SLCO6A1: variants seen among roughly 807,000 people sequenced by gnomAD.
The protein encoded by SLCO6A1 is cancer/testis antigen 48.
A neutral mutation model predicts 72.7 loss-of-function variants in SLCO6A1; 65 were observed. That is an observed-to-expected ratio of 0.89 (90% CI 0.73 to 1.10). The LOEUF is 1.10. Among genes scored for constraint, SLCO6A1 ranks in the 50% least tolerant of loss-of-function variants. The pLI is 0.00. For synonymous variants in SLCO6A1, 314 were observed against 298.2 expected, an observed-to-expected ratio of 1.05 and a Z score of -0.55; for missense variants, 874 against 872.6, an observed-to-expected ratio of 1.00 and a Z score of -0.02.
In SLCO6A1 at chr5:102,411,970, T is replaced by C. The variant is rs564227447; in HGVS notation, c.1626+1020A>G. Among the ~76,000 whole-genome samples, 24 of 152,322 alleles carry C rather than the reference T, an allele frequency of 1.6e-4. 2 individuals are homozygous for C. Among genetic ancestry groups the C allele is most frequent in the African/African-American group, 5.5e-4 (23 of 41,584 alleles). ...GTCTGAATAGGAAATATTTGTCATC[T>C]GTTGTCTCTTAGGGTAGCCACTATG... On this transcript the variant is annotated intron_variant, in intron 9 of 13. Transcript: ENST00000506729.
intron 9 of SLCO6A1, among the ~76,000 whole-genome samples, chr5:102,404,396 G>A (rs1747558022): frequency 6.6e-6 from 1 of 152,182 alleles, no homozygotes; most frequent in Non-Finnish European, 1.5e-5. Context: ...TTGGGAGGCT[G>A]AGGCAGGAGA....
Position 102,477,779 on chromosome 5 carries a change from G to C in SLCO6A1, c.699C>G (p.Ile233Met). 1 of 1,613,690 alleles carries C rather than the reference G, an allele frequency of 6.2e-7. No homozygotes were observed. Among genetic ancestry groups the C allele is most frequent in the Non-Finnish European group, 8.5e-7 (1 of 1,179,782 alleles). The change falls in exon 3 of 14, where the codon ATC (isoleucine) becomes ATG (methionine). Residue 233 changes from isoleucine to methionine, a missense_variant. By Grantham distance (10) the Ile-to-Met change is conservative (BLOSUM62 1). Coordinates refer to ENST00000506729, the MANE Select transcript of SLCO6A1 (RefSeq NM_173488.5). ...SFQSKYLSFF[I>M]LGQTVQGIAG... is the part of the protein sequence containing the mutation. ...CTATTCCCTGCACAGTCTGCCCAAGGATGAAGAAAGACAGGTATTTTGATT... is the reference window on the plus strand; with the variant it reads ...CTATTCCCTGCACAGTCTGCCCAAGCATGAAGAAAGACAGGTATTTTGATT...
intron 1 of SLCO6A1, among the ~76,000 whole-genome samples, chr5:102,496,706 G>A (rs991309351): frequency 1.3e-5 from 2 of 151,996 alleles, no homozygotes; most frequent in Non-Finnish European, 2.9e-5. Flanking sequence ...TTCATGCATC[G>A]AATACATATT....
intron 1 of SLCO6A1, among the ~76,000 whole-genome samples, chr5:102,487,116 T>C (rs1752478186): frequency 1.3e-5 from 2 of 152,312 alleles, no homozygotes; most frequent in South Asian, 4.1e-4. Flanking sequence ...AAAATTAAAC[T>C]AGAACAGTTA....
intron 4 of SLCO6A1, among the ~76,000 whole-genome samples, chr5:102,472,746 G>T (rs1751692708): frequency 6.6e-6 from 1 of 151,634 alleles, no homozygotes; most frequent in African/African-American, 2.4e-5. Context: ...GAGAAATTAA[G>T]AAAAAAGAGA....
chr5:102,445,604 T>G (rs746823687), intron 6 of SLCO6A1, among the ~76,000 whole-genome samples: 2 of 152,200 alleles, frequency 1.3e-5, no homozygotes, highest in Non-Finnish European at 1.5e-5. Context: ...AATTTTTGTT[T>G]TTGTCATGAT....
intron 7 of SLCO6A1, among the ~76,000 whole-genome samples, chr5:102,438,207 ATAGATC>A (rs1330473937): frequency 6.6e-6 from 1 of 152,124 alleles, no homozygotes; most frequent in Admixed American, 6.6e-5. Flanking sequence ...TTAAATAGAT[ATAGATC>A]AACACAAATC....
At chr5:102,469,306 C>T (rs1751478710) in intron 4 of SLCO6A1, among the ~76,000 whole-genome samples, 1 of 152,052 alleles carries the variant, frequency 6.6e-6, no homozygotes, top group Non-Finnish European at 1.5e-5. Flanking sequence ...ATGGAATATT[C>T]TTCCATTTGT....
chr5:102,443,522 C>G (rs1383437517), intron 6 of SLCO6A1, among the ~76,000 whole-genome samples: 1 of 152,162 alleles, frequency 6.6e-6, no homozygotes, highest in Non-Finnish European at 1.5e-5. Flanking sequence ...CAAATTAGGA[C>G]ATTTCCCAGG....
intron 9 of SLCO6A1, among the ~76,000 whole-genome samples, chr5:102,403,111 C>A (rs2112559646): frequency 6.6e-6 from 1 of 152,268 alleles, no homozygotes; most frequent in African/African-American, 2.4e-5. Context: ...TGTTTGATTA[C>A]AGTTGCTGCT....
At chr5:102,479,378 A>G (rs1752070973) in intron 2 of SLCO6A1, among the ~76,000 whole-genome samples, 1 of 152,146 alleles carries the variant, frequency 6.6e-6, no homozygotes, top group South Asian at 2.1e-4. Flanking sequence ...TAAATTACCC[A>G]GTCTCAGGTA....
At chr5:102,468,900 C>T (rs1472718659) in intron 4 of SLCO6A1, among the ~76,000 whole-genome samples, 1 of 152,122 alleles carries the variant, frequency 6.6e-6, no homozygotes, top group East Asian at 1.9e-4. Context: ...TTCCCAGCAC[C>T]ATTTATTAAA....
In SLCO6A1 at chr5:102,389,447, C is replaced by T. The variant is rs1254532904; in HGVS notation, c.1880-622G>A. 3.5e-5 allele frequency among the ~76,000 whole-genome samples: 2 copies of T among 57,578 alleles called. 1 individual carries two copies. Among genetic ancestry groups the T allele is most frequent in the Non-Finnish European group, 7.8e-5 (2 of 25,670 alleles). 37.8% of individuals were successfully genotyped at this position (57,578 alleles called of 152,430 possible). ...GTGAGTGAACAGTCACACACCCCGC[C>T]CCCCACCCCCACACACACAGAGTTG... On this transcript the variant is annotated intron_variant, in intron 11 of 13. Transcript: ENST00000506729.
At chr5:102,493,776 T>G (rs75594871) in intron 1 of SLCO6A1, among the ~76,000 whole-genome samples, 2,610 of 152,254 alleles carry the variant, frequency 0.017, 34 homozygotes, top group African/African-American at 0.033. Flanking sequence ...CTTCTGTAAC[T>G]TAATAGGTTA....
chr5:102,468,213 C>T (rs4703230), intron 4 of SLCO6A1, among the ~76,000 whole-genome samples: 2 of 151,994 alleles, frequency 1.3e-5, no homozygotes. Flanking sequence ...ATATGCTTTC[C>T]ATTGTCTTAA....
intron 10 of SLCO6A1, among the ~76,000 whole-genome samples, chr5:102,392,889 G>A (rs1746844844): frequency 6.6e-6 from 1 of 151,624 alleles, no homozygotes; most frequent in Admixed American, 6.6e-5. Flanking sequence ...AATATAAGTT[G>A]CTGTCTTGCA....
Position 102,399,572 on chromosome 5 carries a change from G to A in SLCO6A1, c.1797C>T (p.Ile599=), listed in dbSNP as rs751148613. Residue 599 remains isoleucine (I), a synonymous_variant, in exon 10 of 14, where the codon ATC becomes ATT. Transcript: ENST00000506729. ...LIFSGFSGVP[I]VLAMTRVVPD... is the part of the protein sequence containing the mutation. The stretch of plus-strand genomic sequence containing the variant: ...ATACATACCGCGTCATGGCCAAGAC[G>A]ATTGGTACACCAGAAAAACCAGAAA... 1.8e-5 allele frequency: 28 copies of A among 1,568,542 alleles called. No individual in the cohort carries two copies. Among genetic ancestry groups the A allele is most frequent in the African/African-American group, 4.1e-5 (3 of 74,030 alleles).
Position 102,382,954 on chromosome 5 carries a change from G to T in SLCO6A1, c.2017+5734C>A, listed in dbSNP as rs181509376. ...TATACGTGTGTGTATATATATGAGAGATATATATATGTGTATATATATGAG... is the reference window on the plus strand; with the variant it reads ...TATACGTGTGTGTATATATATGAGATATATATATATGTGTATATATATGAG... On this transcript the variant is annotated intron_variant, in intron 12 of 13. Coordinates refer to ENST00000506729, the MANE Select transcript of SLCO6A1 (RefSeq NM_173488.5). 8.4e-3 allele frequency among the ~76,000 whole-genome samples: 1,194 copies of T among 141,642 alleles called. 10 individuals carry two copies. Among genetic ancestry groups the T allele is most frequent in the Middle Eastern group, 0.019 (5 of 268 alleles). 92.9% of individuals were successfully genotyped at this position (141,642 alleles called of 152,430 possible). A position where few individuals can be genotyped will look rare whatever the true frequency, so the allele number is the denominator to read the frequency against.
intron 9 of SLCO6A1, among the ~76,000 whole-genome samples, chr5:102,400,339 A>C (rs1747329822): frequency 6.6e-6 from 1 of 151,966 alleles, no homozygotes; most frequent in Non-Finnish European, 1.5e-5. Context: ...TATAATGATG[A>C]ATCCAGCTTG....
Sources: gnomAD v4.1 joint callset for allele counts (sites outside exome capture counted in the v4.1 genomes callset) on GRCh38, gnomAD v4.1.1 for gene constraint, MANE v1.5 for transcripts, NCBI Gene and HGNC (gene_info 2026-07-23, HGNC 2026-07-21) for gene names.